ANKRD18B: variants seen among roughly 807,000 people sequenced by gnomAD.
The protein encoded by ANKRD18B is ankyrin repeat domain-containing protein 18B.
In ANKRD18B, 75 loss-of-function variants were observed where a neutral mutation model predicts 111.8. That is an observed-to-expected ratio of 0.67 (90% confidence interval 0.56 to 0.81). The LOEUF (loss-of-function observed/expected upper bound fraction) is 0.81. ANKRD18B is among the 40% of genes least tolerant of loss of function. ANKRD18B has a pLI of 0.00. For synonymous variants in ANKRD18B, 356 were observed against 417.3 expected (o/e 0.85, Z 1.79); for missense variants, 1,038 against 1,225.5 (o/e 0.85, Z 2.28).
At position 33,548,534 on chromosome 9, in the gene ANKRD18B, A is replaced by G. The variant is rs116168132; in HGVS notation, c.1746A>G (p.Leu582=). ...CTTTAGAAAGTGTACAGCTGGACCT[A>G]AAGCAAGCGCAGCATCGAATAAAGG... ...TLALESVQLD[L]KQAQHRIKEM... is the part of the protein sequence containing the mutation. The change falls in exon 11 of 19, where the codon CTA becomes CTG. Residue 582 remains leucine (L), a synonymous_variant. Coordinates refer to ENST00000684830, the MANE Select transcript of ANKRD18B (RefSeq NM_001393611.1). 1,929 of 1,551,038 alleles carry G rather than the reference A, an allele frequency of 1.2e-3. 21 individuals are homozygous for G. In the African/African-American group the frequency reaches 0.022, roughly 18 times the overall value.
intron 10 of ANKRD18B, among the ~76,000 whole-genome samples, 177 bp from the exon 11 acceptor site, chr9:33,547,761 C>G (rs1828381878): frequency 1.4e-5 from 2 of 147,800 alleles, no homozygotes. Context: ...CATTTTTGAA[C>G]TTTTTGAAAT....
intron 8 of ANKRD18B, among the ~76,000 whole-genome samples, chr9:33,540,863 A>G (rs944931140): frequency 2.0e-5 from 3 of 152,198 alleles, no homozygotes; most frequent in Non-Finnish European, 4.4e-5. Flanking sequence ...TTGAGAAAAA[A>G]CATATGGTAG....
chr9:33,560,960 G>A (rs545318201), intron 14 of ANKRD18B, among the ~76,000 whole-genome samples: 15 of 152,158 alleles, frequency 9.9e-5, no homozygotes, highest in Non-Finnish European at 1.6e-4. Context: ...ACAAGACTCC[G>A]TCTCAAAAAA....
intron 9 of ANKRD18B, among the ~76,000 whole-genome samples, chr9:33,542,377 C>CT (rs34380811): frequency 0.17 from 23,822 of 137,188 alleles, 2,105 homozygotes; most frequent in South Asian, 0.22. Context: ...GCCTTTTTTC[C>CT]TTTTTTTTTT....
chr9:33,545,867 T>A (rs1563903228), intron 10 of ANKRD18B, among the ~76,000 whole-genome samples: 2 of 152,230 alleles, frequency 1.3e-5, no homozygotes, highest in Non-Finnish European at 1.5e-5. Flanking sequence ...ATCTCACATG[T>A]ATAGTTACAG....
At chr9:33,554,782 CAA>C (rs1278117241) in intron 12 of ANKRD18B, among the ~76,000 whole-genome samples, 1 of 152,110 alleles carries the variant, frequency 6.6e-6, no homozygotes, top group African/African-American at 2.4e-5. Flanking sequence ...GGGCCCAGAA[CAA>C]AGACAGCACT....
At chr9:33,527,248 A>C (rs1409222781) in intron 1 of ANKRD18B, among the ~76,000 whole-genome samples, 1 of 152,186 alleles carries the variant, frequency 6.6e-6, no homozygotes, top group African/African-American at 2.4e-5. Context: ...TTAAGTGTTG[A>C]CTAAAATGAG....
At chr9:33,565,418 C>A (rs915033994) in intron 14 of ANKRD18B, among the ~76,000 whole-genome samples, 1 of 152,092 alleles carries the variant, frequency 6.6e-6, no homozygotes, top group Non-Finnish European at 1.5e-5. Context: ...GAAACATTTG[C>A]GGTTTAGGGA....
At position 33,548,780 on chromosome 9, in the gene ANKRD18B, TA is replaced by T. The variant is rs1828404559; in HGVS notation, c.1994del (p.Lys665ArgfsTer3). 1 of 1,546,142 alleles carries T rather than the reference TA, an allele frequency of 6.5e-7. No individual in the cohort carries two copies. Among genetic ancestry groups the T allele is most frequent in the African/African-American group, 1.4e-5 (1 of 72,680 alleles). ...AGGAAGATCTTCTAGAAGAAAGAAATAAGGAATTAATGAATGAATATAATTA... is the reference window on the plus strand; with the variant it reads ...AGGAAGATCTTCTAGAAGAAAGAAATAGGAATTAATGAATGAATATAATTA... Reference protein sequence around the residue: ...GKEDLLEERNKELMNEYNYLK... With the variant: ...GKEDLLEERNXELMNEYNYLK... On this transcript the variant is annotated frameshift_variant, in exon 11 of 19. Coordinates refer to ENST00000684830, the MANE Select transcript of ANKRD18B (RefSeq NM_001393611.1). LOFTEE classifies it high-confidence loss of function.
intron 12 of ANKRD18B, among the ~76,000 whole-genome samples, chr9:33,552,692 A>G (rs1429453936): frequency 6.6e-6 from 1 of 152,112 alleles, no homozygotes; most frequent in Non-Finnish European, 1.5e-5. Context: ...CATCTATAGG[A>G]GGCCACTTCC....
rs1169202795 is a variant in ANKRD18B, at chr9:33,533,465, T to C, written c.522T>C (p.Ala174=). ...AGGGAAACACTCCACTTTTGTTTGCTATAAATTCCAGGAGACAGCATATGG... is the reference window on the plus strand; with the variant it reads ...AGGGAAACACTCCACTTTTGTTTGCCATAAATTCCAGGAGACAGCATATGG... ...NKEGNTPLLF[A]INSRRQHMVE... Residue 174 remains alanine (A), a synonymous_variant, in exon 4 of 19, where the codon GCT becomes GCC. Transcript: ENST00000684830. 4 of 1,531,456 alleles carry C rather than the reference T, an allele frequency of 2.6e-6. No homozygotes were observed. Among genetic ancestry groups the C allele is most frequent in the Non-Finnish European group, 2.6e-6 (3 of 1,140,412 alleles). 94.9% of individuals were successfully genotyped at this position (1,531,456 alleles called of 1,614,324 possible).
In ANKRD18B at chr9:33,548,230, A is replaced by C; in HGVS notation, c.1442A>C (p.His481Pro). Reference protein sequence around the residue: ...RLNSKLEKEKHNKERLEAEVE... With the variant: ...RLNSKLEKEKPNKERLEAEVE... The stretch of plus-strand genomic sequence containing the variant: ...AATTCAAAATTGGAGAAGGAAAAAC[A>C]CAACAAAGAAAGACTAGAAGCTGAA... Residue 481 changes from histidine to proline, a missense_variant, in exon 11 of 19, where the codon CAC becomes CCC. Physicochemically the swap from His to Pro is moderately conservative, Grantham distance 77 (BLOSUM62 -2). Around this residue, in one of 4 missense-constraint regions of ANKRD18B, gnomAD observed 205 missense variants for 201.3 expected, o/e 1.02. Coordinates refer to ENST00000684830, the MANE Select transcript of ANKRD18B (RefSeq NM_001393611.1). 1 of 1,551,144 alleles carries C rather than the reference A, an allele frequency of 6.4e-7. No homozygotes were observed. The highest frequency in any genetic ancestry group is 2.4e-5 in the East Asian group (1 of 40,906).
chr9:33,545,114 C>G (rs1201092116), intron 10 of ANKRD18B, among the ~76,000 whole-genome samples: 1 of 152,144 alleles, frequency 6.6e-6, no homozygotes, highest in Admixed American at 6.5e-5. Context: ...CTGGGTCCCT[C>G]CAACACACTT....
chr9:33,548,139 A>T lies in ANKRD18B; in HGVS notation c.1351A>T (p.Ile451Leu). Reference protein sequence around the residue: ...EKSVRLNEEMITKKVAQYSQQ... With the variant: ...EKSVRLNEEMLTKKVAQYSQQ... ...GAGTGTAAGACTCAATGAAGAAATGATAACAAAAAAAGTGGCCCAGTATTC... is the reference window on the plus strand; with the variant it reads ...GAGTGTAAGACTCAATGAAGAAATGTTAACAAAAAAAGTGGCCCAGTATTC... Residue 451 changes from isoleucine (I) to leucine (L), a missense_variant, in exon 11 of 19, where the codon ATA becomes TTA. Physicochemically the swap from Ile to Leu is conservative, Grantham distance 5. Around this residue, in one of 4 missense-constraint regions of ANKRD18B, gnomAD observed 205 missense variants for 201.3 expected, o/e 1.02. Transcript: ENST00000684830. 6.5e-7 allele frequency: 1 copy of T among 1,534,730 alleles called. No homozygotes were observed. The highest frequency in any genetic ancestry group is 8.8e-7 in the Non-Finnish European group (1 of 1,141,266).
At chr9:33,533,841 T>C (rs1828152447) in intron 4 of ANKRD18B, 2 of 278,262 alleles carry the variant, frequency 7.2e-6, no homozygotes, top group Non-Finnish European at 5.7e-6. Context: ...TTATGAAGTG[T>C]AGACTTTAAC....
intron 10 of ANKRD18B, 77 bp downstream of exon 10, chr9:33,543,332 A>T (rs1293422756): frequency 8.1e-7 from 1 of 1,238,154 alleles, no homozygotes; most frequent in Non-Finnish European, 1.1e-6. Flanking sequence ...GTCCAAATGA[A>T]GTGACCTTTT....
intron 17 of ANKRD18B, among the ~76,000 whole-genome samples, chr9:33,570,540 A>C (rs1828756102): frequency 1.3e-5 from 2 of 152,188 alleles, no homozygotes; most frequent in African/African-American, 2.4e-5. Context: ...AATTTATTGA[A>C]GTAAAAAATG....
In ANKRD18B at chr9:33,550,082, C is replaced by T. The variant is rs1344841731; in HGVS notation, c.2068-348C>T. Among the ~76,000 whole-genome samples the T allele has an allele frequency of 5.9e-5, 9 of 152,092 alleles. 1 individual carries two copies. In the South Asian group the frequency reaches 1.2e-3, roughly 21 times the overall value. On this transcript the variant is annotated intron_variant, in intron 11 of 18. Coordinates refer to ENST00000684830, the MANE Select transcript of ANKRD18B (RefSeq NM_001393611.1). ...GAGGTAGAGGCCATGTTACCTAGGG[C>T]CTTGAAGGCTGTTGGAATTTTACTT...
In ANKRD18B at chr9:33,548,718, G is replaced by T; in HGVS notation, c.1930G>T (p.Val644Phe). 1 of 1,551,098 alleles carries T rather than the reference G, an allele frequency of 6.4e-7. No individual in the cohort carries two copies. Among genetic ancestry groups the T allele is most frequent in the African/African-American group, 1.4e-5 (1 of 73,126 alleles). Residue 644 changes from valine to phenylalanine, a missense_variant, in exon 11 of 19, where the codon GTC becomes TTC. Coordinates refer to ENST00000684830, the MANE Select transcript of ANKRD18B (RefSeq NM_001393611.1). ...ARKEGDNKEI[V>F]INIHRDCLEN... The stretch of plus-strand genomic sequence containing the variant: ...TAAGGAAGGTGATAATAAAGAGATA[G>T]TCATTAATATCCACAGAGACTGTCT...
Sources: gnomAD v4.1 joint callset for allele counts (sites outside exome capture counted in the v4.1 genomes callset) on GRCh38, gnomAD v4.1.1 for gene constraint, gnomAD v4.1.1 regional missense constraint, MANE v1.5 for transcripts, NCBI Gene and HGNC (gene_info 2026-07-23, HGNC 2026-07-21) for gene names.